The following CNIH3 variants were observed in gnomAD, a reference collection of about 807,000 sequenced individuals.
CNIH3 encodes cornichon family AMPA receptor auxiliary protein 3.
A neutral mutation model predicts 24.1 loss-of-function variants in CNIH3; 14 were observed. The ratio of observed to expected loss-of-function variants is 0.58; its 90% CI spans 0.38 to 0.91. The LOEUF (loss-of-function observed/expected upper bound fraction) is 0.91. CNIH3 is among the 40% of genes least tolerant of loss of function. The pLI is 0.00. For synonymous variants in CNIH3, 68 were observed against 73.8 expected (o/e 0.92, Z 0.40); for missense variants, 178 against 196.8 (o/e 0.90, Z 0.57).
intron 5 of CNIH3, among the ~76,000 whole-genome samples, chr1:224,585,233 G>A (rs910498722): frequency 2.2e-4 from 33 of 151,986 alleles, no homozygotes; most frequent in African/African-American, 5.6e-4. Context: ...AATCCTACTC[G>A]CTTATTTTTC....
At chr1:224,681,595 T>C (rs1446489353) in intron 2 of CNIH3, among the ~76,000 whole-genome samples, 1 of 152,216 alleles carries the variant, frequency 6.6e-6, no homozygotes, top group Non-Finnish European at 1.5e-5. Flanking sequence ...TGCCCCAGCA[T>C]GCGTGGTGCC....
At chr1:224,505,885 G>C (rs952068892) in intron 1 of CNIH3, among the ~76,000 whole-genome samples, 2 of 152,202 alleles carry the variant, frequency 1.3e-5, no homozygotes, top group African/African-American at 4.8e-5. Flanking sequence ...CTTTGAACAA[G>C]CCAAAGCTTT....
rs117155632 is a variant in CNIH3 at position 224,561,738 on chromosome 1, C to T, written n.451-4461C>T. Among the ~76,000 whole-genome samples the T allele has an allele frequency of 9.8e-4, 150 of 152,358 alleles. 1 individual carries two copies. The East Asian group carries it at 0.024, about 25-fold the overall frequency. Reference sequence around the variant, plus strand: ...CCCTCTGCCTATGCATGCTCTCTCCCTCTCTATCCTGCCCAAGTATCTCCC... The same window carrying T: ...CCCTCTGCCTATGCATGCTCTCTCCTTCTCTATCCTGCCCAAGTATCTCCC... On this transcript the variant is annotated intron_variant and non_coding_transcript_variant, in intron 3 of 5. Transcript: ENST00000471578.
chr1:224,475,203 A>G (rs1676534757), intron 1 of CNIH3, among the ~76,000 whole-genome samples: 1 of 149,762 alleles, frequency 6.7e-6, no homozygotes, highest in African/African-American at 2.5e-5. Context: ...AAAACTACAG[A>G]AAATTAGCTG....
intron 1 of CNIH3, among the ~76,000 whole-genome samples, chr1:224,442,240 G>A (rs922814901): frequency 5.3e-5 from 8 of 151,796 alleles, no homozygotes; most frequent in Non-Finnish European, 8.8e-5. Flanking sequence ...TGAACTCCTG[G>A]GCTCAAATAA....
At chr1:224,469,901 A>G (rs1676298022) in intron 1 of CNIH3, among the ~76,000 whole-genome samples, 1 of 152,050 alleles carries the variant, frequency 6.6e-6, no homozygotes, top group Admixed American at 6.5e-5. Context: ...GTAGTGATGA[A>G]TTCTGCCAGA....
At chr1:224,735,635 C>T (rs962918934) in intron 5 of CNIH3, among the ~76,000 whole-genome samples, 2 of 134,366 alleles carry the variant, frequency 1.5e-5, no homozygotes, top group Non-Finnish European at 1.6e-5. Flanking sequence ...TGCATTTGTC[C>T]AGCATTTTTT....
At chr1:224,556,723 C>CAG (rs937791917) in intron 3 of CNIH3, among the ~76,000 whole-genome samples, 21 of 152,196 alleles carry the variant, frequency 1.4e-4, no homozygotes, top group Admixed American at 5.9e-4. Context: ...TGACAGGAGG[C>CAG]AGAGCTCAGG....
chr1:224,572,671 T>C (rs1680873350), intron 4 of CNIH3, among the ~76,000 whole-genome samples: 1 of 151,670 alleles, frequency 6.6e-6, no homozygotes, highest in Non-Finnish European at 1.5e-5. Flanking sequence ...AAAATGCTGT[T>C]GGGATTTTAA....
chr1:224,499,056 A>G (rs1282509690), intron 1 of CNIH3, among the ~76,000 whole-genome samples: 1 of 152,226 alleles, frequency 6.6e-6, no homozygotes. Flanking sequence ...GAGTGCCATG[A>G]TTTAGATCAG....
rs148469356 is a variant in CNIH3, at chr1:224,486,283, GT to G, written n.204-29448del. ...ACCATGCCCAGCTAATTTTTGTGGGGTTTTTTTTTTGTGGAGATAGGGCCTT... is the reference window on the plus strand; with the variant it reads ...ACCATGCCCAGCTAATTTTTGTGGGGTTTTTTTTTGTGGAGATAGGGCCTT... On this transcript the variant is annotated intron_variant and non_coding_transcript_variant, in intron 1 of 5. Coordinates refer to the CNIH3 transcript ENST00000471578. Among the ~76,000 whole-genome samples the G allele has an allele frequency of 1.5e-3, 224 of 146,990 alleles. 2 individuals are homozygous for G. In the East Asian group the frequency reaches 0.032, roughly 21 times the overall value.
chr1:224,606,510 C>T (rs967093124), intron 3 of CNIH3, among the ~76,000 whole-genome samples: 15 of 152,142 alleles, frequency 9.9e-5, no homozygotes, highest in Non-Finnish European at 1.6e-4. Context: ...AGTCACTTCT[C>T]TTCTCTCCTT....
chr1:224,513,342 G>T (rs2124898064), upstream of CNIH3, among the ~76,000 whole-genome samples: 1 of 134,294 alleles, frequency 7.4e-6, no homozygotes, highest in East Asian at 2.2e-4. Context: ...TTGTAGAGTT[G>T]GGGGTGGGGG....
chr1:224,459,233 T>C (rs1675805623), intron 1 of CNIH3: 1 of 981,136 alleles, frequency 1.0e-6, no homozygotes, highest in East Asian at 1.1e-4. Context: ...ACCTTGAGGA[T>C]GGATGTCACA....
intron 4 of CNIH3, among the ~76,000 whole-genome samples, chr1:224,732,210 A>C (rs2125243844): frequency 6.6e-6 from 1 of 152,236 alleles, no homozygotes; most frequent in Middle Eastern, 3.4e-3. Flanking sequence ...AGAGAACAAG[A>C]GAAGCTGTGG....
intron 3 of CNIH3, among the ~76,000 whole-genome samples, chr1:224,723,307 C>G (rs1378369960): frequency 6.6e-6 from 1 of 152,014 alleles, no homozygotes; most frequent in Non-Finnish European, 1.5e-5. Context: ...CAATGGGCAG[C>G]AGGGGTGCTG....
intron 1 of CNIH3, among the ~76,000 whole-genome samples, chr1:224,622,864 A>G (rs574009648): frequency 6.6e-6 from 1 of 152,110 alleles, no homozygotes; most frequent in East Asian, 1.9e-4. Context: ...TGCCCTCTGG[A>G]CTTGTTTTCT....
At chr1:224,466,919 T>TA (rs1461281837) in intron 1 of CNIH3, among the ~76,000 whole-genome samples, 1 of 152,248 alleles carries the variant, frequency 6.6e-6, no homozygotes, top group African/African-American at 2.4e-5. Flanking sequence ...ACTTGCTAAT[T>TA]ATATTGTTTG....
chr1:224,616,321 T>C lies in CNIH3; in HGVS notation c.-854T>C. The C allele has an allele frequency of 3.1e-6, 1 of 326,984 alleles. No homozygotes were observed. Among genetic ancestry groups the C allele is most frequent in the Non-Finnish European group, 4.7e-6 (1 of 211,038 alleles). The allele number at this position is 326,984 out of a possible 1,614,324, so 20.3% of individuals were successfully genotyped here. A position where few individuals can be genotyped will look rare whatever the true frequency, so the allele number is the denominator to read the frequency against. On this transcript the variant is annotated 5_prime_UTR_variant, in exon 1 of 6. Transcript: ENST00000272133. ...GGTCGCACCGCTACAGTTCTCGCAG[T>C]GGCAAAGGCGGCGGCGGCGGCGGCG...
Sources: gnomAD v4.1 joint callset for allele counts (sites outside exome capture counted in the v4.1 genomes callset) on GRCh38, gnomAD v4.1.1 for gene constraint, MANE v1.5 for transcripts, NCBI Gene and HGNC (gene_info 2026-07-23, HGNC 2026-07-21) for gene names.